The following MAGI1 variants were observed in gnomAD, a reference collection of about 807,000 sequenced individuals.
The protein encoded by MAGI1 is membrane-associated guanylate kinase, WW and PDZ domain-containing protein 1.
Under a neutral mutation model 139.9 loss-of-function variants are expected in MAGI1, and 58 were observed. That is an observed-to-expected ratio of 0.41 (90% CI 0.34 to 0.52). MAGI1 has a LOEUF of 0.52. Among genes scored for constraint, MAGI1 ranks in the 20% least tolerant of loss-of-function variants. The probability of loss-of-function intolerance (pLI) is 0.12; values close to 1 mark genes in which losing one functional copy is unlikely to be tolerated. For missense variants in MAGI1, 1,874 were observed against 1,901.6 expected, an observed-to-expected ratio of 0.99 and a Z score of 0.27; for synonymous variants, 812 against 737.9, an observed-to-expected ratio of 1.10 and a Z score of -1.63.
chr3:65,398,980 T>G (rs1040913723), intron 13 of MAGI1, among the ~76,000 whole-genome samples: 1 of 151,632 alleles, frequency 6.6e-6, no homozygotes, highest in Non-Finnish European at 1.5e-5. Context: ...AAAACTCAAC[T>G]ACTTAATTAT....
chr3:65,857,702 G>T (rs73832986), intron 1 of MAGI1, among the ~76,000 whole-genome samples: 1,875 of 152,312 alleles, frequency 0.012, 33 homozygotes, highest in African/African-American at 0.042. Context: ...TGTCTTTGGT[G>T]AAATTTTTAA....
At chr3:65,654,021 A>C (rs1456558531) in intron 1 of MAGI1, among the ~76,000 whole-genome samples, 1 of 152,198 alleles carries the variant, frequency 6.6e-6, no homozygotes, top group Non-Finnish European at 1.5e-5. Context: ...ATATCTCTGG[A>C]TGGTGAGATT....
intron 18 of MAGI1, among the ~76,000 whole-genome samples, chr3:65,368,003 A>G (rs184723747): frequency 6.6e-6 from 1 of 152,298 alleles, no homozygotes; most frequent in African/African-American, 2.4e-5. Flanking sequence ...TTTTTATACT[A>G]TCAATAAAGT....
chr3:65,607,858 C>A lies in MAGI1; in HGVS notation c.430+14114G>T, dbSNP rs532639184. 2.0e-5 allele frequency among the ~76,000 whole-genome samples: 3 copies of A among 152,084 alleles called. No homozygotes were observed. The South Asian group carries it at 6.2e-4, about 32-fold the overall frequency. ...GGCCACTGTCTTTCCTTTTGTACTA[C>A]AACTATAAAAAAGAGAATAGCACAT... On this transcript the variant is annotated intron_variant, in intron 2 of 22. Coordinates refer to ENST00000402939, the MANE Select transcript of MAGI1 (RefSeq NM_001033057.2).
chr3:65,552,902 G>A (rs2079911483), intron 2 of MAGI1, among the ~76,000 whole-genome samples: 2 of 152,118 alleles, frequency 1.3e-5, no homozygotes, highest in Non-Finnish European at 2.9e-5. Flanking sequence ...ATTAACTTAT[G>A]TCTCCTGTTC....
At position 65,401,313 on chromosome 3, in the gene MAGI1, C is replaced by G. The variant is rs1944869451; in HGVS notation, c.2199+126G>C. On this transcript the variant is annotated intron_variant, in intron 13 of 22. Transcript: ENST00000402939. ...GAACTTAAGAAAATGAGCCCCGGCT[C>G]CTGTCTCCCCCATCCACTGTAAAAC... is the stretch of plus-strand genomic sequence containing the variant. The G allele has an allele frequency of 5.8e-6, 7 of 1,197,262 alleles. No individual in the cohort carries two copies. In the South Asian group the frequency reaches 1.0e-4, roughly 18 times the overall value. The allele number at this position is 1,197,262 out of a possible 1,614,324, so 74.2% of individuals were successfully genotyped here.
intron 1 of MAGI1, chr3:65,907,768 C>G (rs938767337): frequency 6.6e-6 from 1 of 152,188 alleles, no homozygotes; most frequent in African/African-American, 2.4e-5. Context: ...CCCCAACTAC[C>G]TTCTCAAGCA....
At chr3:65,922,229 C>T (rs559753307) in intron 1 of MAGI1, among the ~76,000 whole-genome samples, 22 of 152,212 alleles carry the variant, frequency 1.4e-4, no homozygotes, top group African/African-American at 4.1e-4. Flanking sequence ...GCATTAGCAA[C>T]CAATGCAAGA....
chr3:65,831,754 A>G (rs1156262170), intron 1 of MAGI1, among the ~76,000 whole-genome samples: 1 of 152,218 alleles, frequency 6.6e-6, no homozygotes, highest in Non-Finnish European at 1.5e-5. Flanking sequence ...GTGTGAATGG[A>G]AGTTTTAGAT....
At chr3:65,479,495 A>C (rs1951115403) in intron 3 of MAGI1, among the ~76,000 whole-genome samples, 1 of 152,142 alleles carries the variant, frequency 6.6e-6, no homozygotes, top group African/African-American at 2.4e-5. Context: ...TGTGACTCTC[A>C]CTTGTACATA....
intron 1 of MAGI1, among the ~76,000 whole-genome samples, chr3:65,962,384 G>C (rs2064482926): frequency 1.3e-5 from 2 of 151,626 alleles, no homozygotes; most frequent in South Asian, 4.2e-4. Flanking sequence ...GCCTCCCAAA[G>C]TGCTAGGATT....
At chr3:65,889,972 T>G (rs1475911574) in intron 1 of MAGI1, among the ~76,000 whole-genome samples, 1 of 152,200 alleles carries the variant, frequency 6.6e-6, no homozygotes, top group African/African-American at 2.4e-5. Context: ...GCAAGCTTTG[T>G]GCCTTTCAAC....
chr3:65,645,332 A>G (rs1266857335), intron 1 of MAGI1, among the ~76,000 whole-genome samples: 1 of 152,178 alleles, frequency 6.6e-6, no homozygotes, highest in African/African-American at 2.4e-5. Flanking sequence ...TAGAAAAAAT[A>G]GAGTGACAGT....
chr3:65,874,465 A>G (rs1292445530), intron 1 of MAGI1: 5 of 152,246 alleles, frequency 3.3e-5, no homozygotes, highest in Admixed American at 2.0e-4. Context: ...AAACCATCTT[A>G]ACAGACATTT....
intron 2 of MAGI1, among the ~76,000 whole-genome samples, chr3:65,611,126 ATATAG>A (rs2083070496): frequency 7.1e-6 from 1 of 139,866 alleles, no homozygotes; most frequent in African/African-American, 2.6e-5. Flanking sequence ...CGTATATAAT[ATATAG>A]TATAAATAGT....
intron 14 of MAGI1, among the ~76,000 whole-genome samples, chr3:65,389,184 C>T (rs866198496): frequency 6.6e-6 from 1 of 152,182 alleles, no homozygotes; most frequent in South Asian, 2.1e-4. Context: ...AACTTCAGTA[C>T]TTACAGTAGC....
intron 8 of MAGI1, among the ~76,000 whole-genome samples, chr3:65,442,076 C>G (rs1948375479): frequency 1.5e-5 from 1 of 66,318 alleles, no homozygotes; most frequent in Non-Finnish European, 2.7e-5. Flanking sequence ...CTACATAATA[C>G]AAAGCTTTTT....
intron 1 of MAGI1, among the ~76,000 whole-genome samples, chr3:65,862,838 G>A (rs774425934): frequency 6.1e-4 from 93 of 152,196 alleles, no homozygotes; most frequent in Non-Finnish European, 1.1e-3. Context: ...TGTGAAGAAA[G>A]TATAGATTTC....
chr3:65,451,547 C>T (rs756919122), intron 6 of MAGI1, among the ~76,000 whole-genome samples: 2 of 152,154 alleles, frequency 1.3e-5, no homozygotes, highest in Non-Finnish European at 2.9e-5. Context: ...GCTCAGCATT[C>T]CTAATCCGAA....
Sources: gnomAD v4.1 joint callset for allele counts (sites outside exome capture counted in the v4.1 genomes callset) on GRCh38, gnomAD v4.1.1 for gene constraint, MANE v1.5 for transcripts, NCBI Gene and HGNC (gene_info 2026-07-23, HGNC 2026-07-21) for gene names.